Variants in SNW1 observed in about 807,000 individuals in gnomAD.
The protein encoded by SNW1 is SNW domain containing 1, also known as SNW domain-containing protein 1.
A neutral mutation model predicts 75.6 loss-of-function variants in SNW1; 9 were observed. The ratio of observed to expected loss-of-function variants is 0.12; its 90% CI spans 0.07 to 0.21. The LOEUF (loss-of-function observed/expected upper bound fraction) is 0.21, where lower values mean the gene tolerates loss of function less well. Ranked by LOEUF, SNW1 falls within the 10% of genes least tolerant of loss-of-function variation. SNW1 has a pLI of 1.00. For missense variants in SNW1, 409 were observed against 670.9 expected (o/e 0.61, Z 4.31); for synonymous variants, 200 against 219.1 (o/e 0.91, Z 0.77).
rs1392988840 is a variant in SNW1 at position 77,730,939 on chromosome 14, A to G, written c.1033+49T>C. 3.2e-6 allele frequency: 5 copies of G among 1,580,932 alleles called. 1 individual carries two copies. The highest frequency in any genetic ancestry group is 2.3e-5 in the South Asian group (2 of 86,378). ...GGAAAAAGATTTTCTAAAATAAGAT[A>G]TATTTTGTTCACCAAGCAAAATTCA... On this transcript the variant is annotated intron_variant, in intron 10 of 13. Transcript: ENST00000261531.
At chr14:77,751,802 G>C (rs945453109) in intron 2 of SNW1, among the ~76,000 whole-genome samples, 2 of 110,214 alleles carry the variant, frequency 1.8e-5, no homozygotes, top group African/African-American at 8.0e-5. Context: ...GCAGTCATGG[G>C]AAGACACACA....
At chr14:77,734,404 A>G (rs1401232679) in intron 8 of SNW1, among the ~76,000 whole-genome samples, 1 of 152,168 alleles carries the variant, frequency 6.6e-6, no homozygotes, top group East Asian at 1.9e-4. Context: ...TATTCTACTT[A>G]TTCCTTCTCT....
chr14:77,720,904 A>C (rs1820683650), intron 11 of SNW1, 76 bp from the exon 12 acceptor site: 1 of 876,078 alleles, frequency 1.1e-6, no homozygotes, highest in Non-Finnish European at 1.9e-6. Context: ...AATACAACCA[A>C]TCTCAGAAAC....
intron 10 of SNW1, among the ~76,000 whole-genome samples, chr14:77,724,988 C>G (rs192971664): frequency 2.1e-4 from 32 of 152,162 alleles, no homozygotes; most frequent in Admixed American, 8.5e-4. Context: ...GTGTTCCCCC[C>G]CTTCTGTATC....
chr14:77,732,700 T>C, intron 8 of SNW1, 99 bp from the exon 9 acceptor site: 1 of 723,510 alleles, frequency 1.4e-6, no homozygotes. Flanking sequence ...AGTCTTGCTC[T>C]GTCACCCTGG....
chr14:77,726,596 G>C (rs2080586561), intron 10 of SNW1, among the ~76,000 whole-genome samples: 1 of 152,108 alleles, frequency 6.6e-6, no homozygotes, highest in African/African-American at 2.4e-5. Context: ...GAGGCAGGCA[G>C]ATCACCTGAG....
At position 77,735,894 on chromosome 14, in the gene SNW1, A is replaced by C. The variant is rs749600484; in HGVS notation, c.708+43T>G. ...AGGGAGGTTATCTATAAAATTAATA[A>C]CCATGAGTAGAAAAAAATATTTTGG... On this transcript the variant is annotated intron_variant, in intron 7 of 13. Coordinates refer to ENST00000261531, the MANE Select transcript of SNW1 (RefSeq NM_012245.3). 7.3e-6 allele frequency: 11 copies of C among 1,499,418 alleles called. 1 individual carries two copies. The South Asian group carries it at 1.3e-4, about 17-fold the overall frequency. 92.9% of individuals were successfully genotyped at this position (1,499,418 alleles called of 1,614,324 possible).
At position 77,738,895 on chromosome 14, in the gene SNW1, A is replaced by T. The variant is rs1414705724; in HGVS notation, c.427-11T>A. 1 of 1,612,324 alleles carries T rather than the reference A, an allele frequency of 6.2e-7. No individual in the cohort carries two copies. The highest frequency in any genetic ancestry group is 8.5e-7 in the Non-Finnish European group (1 of 1,178,328). On this transcript the variant is annotated splice_polypyrimidine_tract_variant and intron_variant, in intron 4 of 13. Coordinates refer to ENST00000261531, the MANE Select transcript of SNW1 (RefSeq NM_012245.3). The stretch of plus-strand genomic sequence containing the variant: ...TGTCTTTTCTGTTATCTGAAATAGG[A>T]AATATCACATTGAGAGTTTGGAAGT...
In SNW1 at chr14:77,751,395, G is replaced by T; in HGVS notation, c.254C>A (p.Ala85Glu). Reference protein sequence around the residue: ...DMGRKKKMSNALAIQVDSEGK... With the variant: ...DMGRKKKMSNELAIQVDSEGK... ...TTCAGAATCCACCTGAATGGCCAGC[G>T]CATTCGACATTTTTTTCTTTCGTCC... Residue 85 changes from alanine to glutamate, a missense_variant, in exon 3 of 14, where the codon GCG becomes GAG. Ala to Glu is a moderately radical substitution (Grantham distance 107). Transcript: ENST00000261531. The T allele has an allele frequency of 6.2e-7, 1 of 1,613,538 alleles. No homozygotes were observed. The highest frequency in any genetic ancestry group is 1.1e-5 in the South Asian group (1 of 90,974).
intron 5 of SNW1, among the ~76,000 whole-genome samples, chr14:77,737,991 C>A (rs866370802): frequency 7.5e-3 from 554 of 74,042 alleles, no homozygotes; most frequent in Admixed American, 8.2e-3. Context: ...GACTCCATCT[C>A]AAAAAAAAAA....
In SNW1 at chr14:77,730,031, T is replaced by C. The variant is rs1371129712; in HGVS notation, c.1033+957A>G. 2.6e-5 allele frequency among the ~76,000 whole-genome samples: 4 copies of C among 152,182 alleles called. No homozygotes were observed. In the East Asian group the frequency reaches 7.7e-4, roughly 29 times the overall value. On this transcript the variant is annotated intron_variant, in intron 10 of 13. Coordinates refer to ENST00000261531, the MANE Select transcript of SNW1 (RefSeq NM_012245.3). ...AATCCAGTCATATTGGCCTGTCTGC[T>C]CTTCCTTGGGCCACACTAGGCATAC...
At chr14:77,754,537 G>T (rs1214201755) in intron 2 of SNW1, among the ~76,000 whole-genome samples, 6 of 152,066 alleles carry the variant, frequency 3.9e-5, no homozygotes, top group Non-Finnish European at 8.8e-5. Flanking sequence ...ATCAGCAAAG[G>T]AAGTGCTACT....
At chr14:77,759,939 G>A (rs780542654) in intron 1 of SNW1, among the ~76,000 whole-genome samples, 6 of 151,724 alleles carry the variant, frequency 4.0e-5, no homozygotes, top group Non-Finnish European at 5.9e-5. Context: ...CCAACACAGC[G>A]AGACCGCATC....
intron 9 of SNW1, among the ~76,000 whole-genome samples, chr14:77,731,396 T>C (rs1380092112): frequency 6.6e-6 from 1 of 152,220 alleles, no homozygotes; most frequent in Non-Finnish European, 1.5e-5. Flanking sequence ...ACTAATGCTT[T>C]CTCAGAAACA....
chr14:77,759,414 G>A (rs2112135), intron 1 of SNW1, among the ~76,000 whole-genome samples: 25,526 of 152,158 alleles, frequency 0.17, 2,459 homozygotes, highest in Non-Finnish European at 0.22. Context: ...CTAGGGCGCT[G>A]AGGCAGGAGG....
chr14:77,751,837 CACACACACCA>C (rs765684956), intron 2 of SNW1, among the ~76,000 whole-genome samples: 3 of 111,938 alleles, frequency 2.7e-5, no homozygotes, highest in African/African-American at 8.7e-5. Flanking sequence ...CACACACACA[CACACACACCA>C]CACACACACA....
At chr14:77,722,481 G>C in intron 11 of SNW1, 1 of 454,888 alleles carries the variant, frequency 2.2e-6, no homozygotes, top group Middle Eastern at 3.3e-4. Flanking sequence ...CTCAATAAAA[G>C]CATGAAAGCT....
chr14:77,748,521 CG>C (rs1205637864), intron 3 of SNW1, among the ~76,000 whole-genome samples: 3 of 151,916 alleles, frequency 2.0e-5, no homozygotes, highest in Non-Finnish European at 4.4e-5. Context: ...AGGAGAAAAG[CG>C]GGCAGGACTA....
intron 1 of SNW1, among the ~76,000 whole-genome samples, chr14:77,760,038 C>T (rs1004098904): frequency 3.9e-5 from 6 of 151,914 alleles, no homozygotes; most frequent in African/African-American, 1.5e-4. Flanking sequence ...TTATTCCATT[C>T]AATTCTTTTT....
Sources: gnomAD v4.1 joint callset for allele counts (sites outside exome capture counted in the v4.1 genomes callset) on GRCh38, gnomAD v4.1.1 for gene constraint, MANE v1.5 for transcripts, NCBI Gene and HGNC (gene_info 2026-07-23, HGNC 2026-07-21) for gene names.